OR2T29: variants seen among roughly 807,000 people sequenced by gnomAD.
The protein encoded by OR2T29 is olfactory receptor family 2 subfamily T member 29.
For synonymous variants in OR2T29, 2 were observed against 44.9 expected, an observed-to-expected ratio of 0.04 and a Z score of 3.82; for missense variants, 7 against 121.9, an observed-to-expected ratio of 0.06 and a Z score of 4.44.
chr1:248,560,573 TATATA>T (rs200147255), intron 1 of OR2T29, among the ~76,000 whole-genome samples: 5,820 of 33,768 alleles, frequency 0.17, 17 homozygotes, highest in East Asian at 0.43. Flanking sequence ...TATATAAATA[TATATA>T]ATATATTTAT....
intron 1 of OR2T29, among the ~76,000 whole-genome samples, chr1:248,560,476 G>C (rs1269902797): frequency 9.0e-5 from 6 of 66,674 alleles, no homozygotes; most frequent in Admixed American, 2.0e-4. Flanking sequence ...AATGGCAGAA[G>C]TTCTGCAAAA....
chr1:248,562,258 C>A (rs1659536412), intron 1 of OR2T29, among the ~76,000 whole-genome samples: 1 of 149,952 alleles, frequency 6.7e-6, no homozygotes, highest in African/African-American at 2.4e-5. Context: ...TGATTCCTCT[C>A]AGGGACACCA....
chr1:248,562,321 T>A (rs1306382918), intron 1 of OR2T29, among the ~76,000 whole-genome samples: 1 of 144,996 alleles, frequency 6.9e-6, no homozygotes, highest in Non-Finnish European at 1.5e-5. Context: ...GTGGGTTTCA[T>A]CAAGGAAACA....
chr1:248,561,714 C>T (rs1320823513), intron 1 of OR2T29, among the ~76,000 whole-genome samples: 101 of 38,412 alleles, frequency 2.6e-3, no homozygotes, highest in Middle Eastern at 5.2e-3. Flanking sequence ...GCGACCAGCA[C>T]ATGTGAAGAC....
At position 248,562,749 on chromosome 1, in the gene OR2T29, A is replaced by T. The variant is rs1324317776; in HGVS notation, c.-34T>A. ...ACCATCAGATGATGTCTTGAACCTC[A>T]CCTAGATGGGCTGGTGGTGTGTGGC... On this transcript the variant is annotated 5_prime_UTR_variant, in exon 1 of 2. Transcript: ENST00000641069. 5 of 144,254 alleles carry T rather than the reference A, an allele frequency of 3.5e-5. No homozygotes were observed. Among genetic ancestry groups the T allele is most frequent in the African/African-American group, 1.3e-4 (5 of 38,274 alleles). 8.9% of individuals were successfully genotyped at this position (144,254 alleles called of 1,614,324 possible).
intron 1 of OR2T29, among the ~76,000 whole-genome samples, chr1:248,560,367 TAA>T (rs201473574): frequency 0.034 from 3,229 of 96,036 alleles, 180 homozygotes; most frequent in African/African-American, 0.076. Context: ...ACAACCTACC[TAA>T]GAGATTGTTG....
chr1:248,560,541 TTA>T (rs1211050637), intron 1 of OR2T29, among the ~76,000 whole-genome samples: 1 of 40,548 alleles, frequency 2.5e-5, no homozygotes, highest in African/African-American at 4.0e-5. Flanking sequence ...ATTTGTGTGT[TTA>T]TGTGTAAATA....
rs1396063133 is a variant in OR2T29 at position 248,559,442 on chromosome 1, A to T, written c.50T>A (p.Ile17Asn). The change falls in exon 2 of 2, where the codon ATC becomes AAC. Residue 17 changes from isoleucine to asparagine, a missense_variant. Physicochemically the swap from Ile to Asn is moderately radical, Grantham distance 149. Transcript: ENST00000641069. Reference protein sequence around the residue: ...MANHTGRLDFILMGLFRQSKH... With the variant: ...MANHTGRLDFNLMGLFRQSKH... ...GGATTGTCTGAAGAGTCCCATGAGG[A>T]TGAAATCCAACCTTCCAGTGTGGTT... 6.4e-7 allele frequency: 1 copy of T among 1,565,130 alleles called. No individual in the cohort carries two copies. The highest frequency in any genetic ancestry group is 8.7e-7 in the Non-Finnish European group (1 of 1,154,264).
At chr1:248,560,490 AG>A (rs1281982784) in intron 1 of OR2T29, among the ~76,000 whole-genome samples, 1 of 57,598 alleles carries the variant, frequency 1.7e-5, no homozygotes, top group African/African-American at 3.2e-5. Flanking sequence ...TGCAAAATAA[AG>A]CATATGACCC....
chr1:248,559,020 C>T lies in OR2T29; in HGVS notation c.472G>A (p.Val158Met). 4.7e-6 allele frequency: 1 copy of T among 214,650 alleles called. No homozygotes were observed. The highest frequency in any genetic ancestry group is 8.1e-6 in the Non-Finnish European group (1 of 124,008). The allele number at this position is 214,650 out of a possible 1,614,324, so 13.3% of individuals were successfully genotyped here. Residue 158 changes from valine (V) to methionine (M), a missense_variant, in exon 2 of 2, where the codon GTG becomes ATG. Val to Met is a conservative substitution (Grantham distance 21). Transcript: ENST00000641069. ...LASGCWFLGS[V>M]DGFMLTPITM... ...ATGGGAGTGAGCATGAAGCCATCCA[C>T]TGAGCCCAGGAACCAGCAGCCCGAT...
Position 248,557,460 on chromosome 1 carries a change from CCTT to C in OR2T29, c.*1081_*1083del, listed in dbSNP as rs1227938401. Reference sequence around the variant, plus strand: ...TGAGCCCCGGAGTCTCCTCTCAGCTCCTTGTTTGAACTCAGATGTCACAGATAG... The same window carrying C: ...TGAGCCCCGGAGTCTCCTCTCAGCTCGTTTGAACTCAGATGTCACAGATAG... On this transcript the variant is annotated 3_prime_UTR_variant, in exon 2 of 2. Transcript: ENST00000641069. 3 of 69,038 alleles carry C rather than the reference CCTT, an allele frequency of 4.3e-5. No homozygotes were observed. Among genetic ancestry groups the C allele is most frequent in the Non-Finnish European group, 8.8e-5 (3 of 34,206 alleles). The allele number at this position is 69,038 out of a possible 1,614,324, so 4.3% of individuals were successfully genotyped here. A position where few individuals can be genotyped will look rare whatever the true frequency, so the allele number is the denominator to read the frequency against.
intron 1 of OR2T29, chr1:248,562,492 C>G (rs1400414968): frequency 2.1e-5 from 3 of 144,072 alleles, no homozygotes; most frequent in African/African-American, 7.9e-5. Context: ...TTATTATGTC[C>G]ATAAATAATT....
intron 1 of OR2T29, among the ~76,000 whole-genome samples, chr1:248,560,318 CTT>C (rs1490428724): frequency 0.013 from 1,175 of 92,270 alleles, 15 homozygotes; most frequent in Middle Eastern, 0.044. Flanking sequence ...CACATATACT[CTT>C]AGTGTAGATG....
At chr1:248,560,506 TA>T (rs1321772906) in intron 1 of OR2T29, among the ~76,000 whole-genome samples, 3 of 41,934 alleles carry the variant, frequency 7.2e-5, no homozygotes, top group Non-Finnish European at 1.0e-4. Flanking sequence ...TGACCCACTT[TA>T]AAAAAAAACA....
At chr1:248,560,833 T>C (rs9439358) in intron 1 of OR2T29, among the ~76,000 whole-genome samples, 15 of 62 alleles carry the variant, frequency 0.24, no homozygotes, top group African/African-American at 0.33. Context: ...GCTTTATTAC[T>C]TGCCACAATC....
rs561078031 is a variant in OR2T29, at chr1:248,562,714, G to A, written c.-11+12C>T. 6.9e-6 allele frequency: 1 copy of A among 145,478 alleles called. No individual in the cohort carries two copies. The highest frequency in any genetic ancestry group is 2.2e-4 in the South Asian group (1 of 4,606). 9.0% of individuals were successfully genotyped at this position (145,478 alleles called of 1,614,324 possible). A position where few individuals can be genotyped will look rare whatever the true frequency, so the allele number is the denominator to read the frequency against. On this transcript the variant is annotated intron_variant, in intron 1 of 1. Transcript: ENST00000641069. ...TCCTGCTAGTACCTCCTGTCTGTCT[G>A]GCCGAACTCACCATCAGATGATGTC...
At position 248,562,645 on chromosome 1, in the gene OR2T29, G is replaced by A. The variant is rs954823087; in HGVS notation, c.-11+81C>T. On this transcript the variant is annotated intron_variant, in intron 1 of 1. Coordinates refer to ENST00000641069, the MANE Select transcript of OR2T29 (RefSeq NM_001004694.3). ...AAATGCTGTGAAGAACTAATAGAAC[G>A]TTTCAGAAGCAGAACAAGTCGAGAG... The A allele has an allele frequency of 1.1e-4, 16 of 145,104 alleles. 2 individuals carry two copies. Among genetic ancestry groups the A allele is most frequent in the East Asian group, 4.0e-4 (2 of 5,028 alleles). 9.0% of individuals were successfully genotyped at this position (145,104 alleles called of 1,614,324 possible). A position where few individuals can be genotyped will look rare whatever the true frequency, so the allele number is the denominator to read the frequency against.
chr1:248,560,513 AAAC>A (rs1243667853), intron 1 of OR2T29, among the ~76,000 whole-genome samples: 849 of 42,846 alleles, frequency 0.02, 1 homozygote, highest in African/African-American at 0.033. Flanking sequence ...CTTTAAAAAA[AAAC>A]AATTTGGATT....
chr1:248,562,164 G>A (rs1659535175), intron 1 of OR2T29, among the ~76,000 whole-genome samples: 1 of 149,800 alleles, frequency 6.7e-6, no homozygotes, highest in South Asian at 2.1e-4. Flanking sequence ...GGTTCTCAGG[G>A]TACCTGCCTA....
Sources: gnomAD v4.1 joint callset for allele counts (sites outside exome capture counted in the v4.1 genomes callset) on GRCh38, gnomAD v4.1.1 for gene constraint, MANE v1.5 for transcripts, NCBI Gene and HGNC (gene_info 2026-07-23, HGNC 2026-07-21) for gene names.